Variants in PRCC observed in about 807,000 individuals in gnomAD.
PRCC encodes the protein proline-rich protein PRCC.
A neutral mutation model predicts 44.0 loss-of-function variants in PRCC; 10 were observed. That is an observed-to-expected ratio of 0.23 (90% confidence interval 0.14 to 0.39). The LOEUF is 0.39. Ranked by LOEUF, PRCC falls within the 10% of genes least tolerant of loss-of-function variation. PRCC has a pLI of 1.00. For synonymous variants in PRCC, 278 were observed against 259.5 expected, an observed-to-expected ratio of 1.07 and a Z score of -0.69; for missense variants, 573 against 624.7, an observed-to-expected ratio of 0.92 and a Z score of 0.88.
At chr1:156,783,963 G>C (rs189888511) in intron 2 of PRCC, among the ~76,000 whole-genome samples, 1 of 150,114 alleles carries the variant, frequency 6.7e-6, no homozygotes, top group African/African-American at 2.4e-5. Flanking sequence ...TTTTTTTTGG[G>C]GGGGACGGAG....
chr1:156,782,717 T>C (rs1410629807), intron 2 of PRCC, among the ~76,000 whole-genome samples: 2 of 152,182 alleles, frequency 1.3e-5, no homozygotes, highest in South Asian at 2.1e-4. Context: ...AGCACTTAAA[T>C]AGCACTTACT....
chr1:156,785,545 A>G (rs1288961858), intron 2 of PRCC, among the ~76,000 whole-genome samples: 2 of 151,818 alleles, frequency 1.3e-5, no homozygotes, highest in Non-Finnish European at 2.9e-5. Context: ...CTTAAGTCCT[A>G]AGGGAGCTGC....
Position 156,767,627 on chromosome 1 carries a change from G to A in PRCC, c.-145G>A. On this transcript the variant is annotated 5_prime_UTR_variant, in exon 1 of 7. Coordinates refer to ENST00000271526, the MANE Select transcript of PRCC (RefSeq NM_005973.5). ...AAATCAGCCGTAGCCATGAGTTTCT[G>A]CCGGGGCTAGCCCTAGAGTACGGAG... The A allele has an allele frequency of 1.3e-6, 1 of 769,778 alleles. No homozygotes were observed. Among genetic ancestry groups the A allele is most frequent in the East Asian group, 2.7e-5 (1 of 36,588 alleles). 47.7% of individuals were successfully genotyped at this position (769,778 alleles called of 1,614,324 possible).
At chr1:156,777,999 TAATTA>T (rs1385776007) in intron 1 of PRCC, among the ~76,000 whole-genome samples, 1 of 152,252 alleles carries the variant, frequency 6.6e-6, no homozygotes, top group Admixed American at 6.5e-5. Context: ...TACTGTAGAA[TAATTA>T]AATCAAACTA....
At position 156,787,015 on chromosome 1, in the gene PRCC, A is replaced by G. The variant is rs898237461; in HGVS notation, c.924A>G (p.Pro308=). 1 of 1,614,250 alleles carries G rather than the reference A, an allele frequency of 6.2e-7. No individual in the cohort carries two copies. Among genetic ancestry groups the G allele is most frequent in the Non-Finnish European group, 8.5e-7 (1 of 1,180,040 alleles). ...VPEELPPGTE[P]EPAFQDDAAN... ...AAGAGCTGCCTCCAGGCACGGAACC[A>G]GAGCCGGCTTTCCAGGACGATGCAG... Residue 308 remains proline (P), a synonymous_variant, in exon 3 of 7, where the codon CCA becomes CCG. Transcript: ENST00000271526.
In PRCC at chr1:156,795,424, G is replaced by T. The variant is rs138875366; in HGVS notation, c.1323+616G>T. 4.1e-3 allele frequency among the ~76,000 whole-genome samples: 614 copies of T among 150,590 alleles called. 2 individuals are homozygous for T. The highest frequency in any genetic ancestry group is 0.013 in the African/African-American group (551 of 41,052). On this transcript the variant is annotated intron_variant, in intron 5 of 6. Coordinates refer to ENST00000271526, the MANE Select transcript of PRCC (RefSeq NM_005973.5). ...CACCTCAGTTGCTGGGACTACAGGTGCATGCCACCATACCAATCTAATTTT... is the reference window on the plus strand; with the variant it reads ...CACCTCAGTTGCTGGGACTACAGGTTCATGCCACCATACCAATCTAATTTT...
chr1:156,774,166 T>A (rs1449827407), intron 1 of PRCC, among the ~76,000 whole-genome samples: 1 of 74,218 alleles, frequency 1.3e-5, no homozygotes, highest in African/African-American at 7.5e-5. Context: ...CCTTTTTTTT[T>A]TTTTTTTTTT....
At chr1:156,768,455 GCA>G (rs1651502374) in intron 1 of PRCC, among the ~76,000 whole-genome samples, 1 of 152,218 alleles carries the variant, frequency 6.6e-6, no homozygotes, top group Non-Finnish European at 1.5e-5. Flanking sequence ...GGGCTTGCCT[GCA>G]GAAGGCCACA....
At chr1:156,783,639 G>A (rs1273761152) in intron 2 of PRCC, among the ~76,000 whole-genome samples, 5 of 151,968 alleles carry the variant, frequency 3.3e-5, no homozygotes, top group South Asian at 2.1e-4. Flanking sequence ...CCAGCTACTC[G>A]GGAGGCTGAG....
intron 1 of PRCC, among the ~76,000 whole-genome samples, chr1:156,779,769 G>GA (rs960728696): frequency 6.6e-6 from 1 of 151,680 alleles, no homozygotes; most frequent in African/African-American, 2.4e-5. Flanking sequence ...ATTAGAGGTG[G>GA]GGGGGTCTCA....
intron 1 of PRCC, among the ~76,000 whole-genome samples, chr1:156,781,356 G>A (rs1652044602): frequency 2.6e-5 from 4 of 152,190 alleles, no homozygotes; most frequent in Admixed American, 2.6e-4. Context: ...GAGGATTTGA[G>A]TTCTCACAGA....
At chr1:156,792,755 G>A (rs1343976479) in intron 4 of PRCC, among the ~76,000 whole-genome samples, 5 of 152,074 alleles carry the variant, frequency 3.3e-5, no homozygotes, top group African/African-American at 9.7e-5. Context: ...GCATCTAGCC[G>A]GCCATATCTA....
In PRCC at chr1:156,773,565, C is replaced by T. The variant is rs528847366; in HGVS notation, c.468+5326C>T. On this transcript the variant is annotated intron_variant, in intron 1 of 6. Transcript: ENST00000271526. ...GGGACACTCTCAGCCCTGGATGCTC[C>T]GGTGTTTCTAGCATTGTCCTTCTTT... Among the ~76,000 whole-genome samples the T allele has an allele frequency of 2.0e-5, 3 of 152,234 alleles. No homozygotes were observed. The East Asian group carries it at 5.8e-4, about 29-fold the overall frequency.
At chr1:156,789,878 A>G (rs1253772776) in intron 3 of PRCC, among the ~76,000 whole-genome samples, 2 of 152,258 alleles carry the variant, frequency 1.3e-5, no homozygotes, top group African/African-American at 4.8e-5. Flanking sequence ...TGTTTGGAAG[A>G]GATATTTAGA....
chr1:156,782,916 T>G (rs545297777), intron 2 of PRCC, among the ~76,000 whole-genome samples: 1 of 152,150 alleles, frequency 6.6e-6, no homozygotes, highest in African/African-American at 2.4e-5. Flanking sequence ...ATATATATTT[T>G]TTTTTTGAGA....
chr1:156,787,450 G>GATAT (rs57206380), intron 3 of PRCC, among the ~76,000 whole-genome samples: 40 of 124,900 alleles, frequency 3.2e-4, no homozygotes, highest in African/African-American at 1.3e-3. Flanking sequence ...ATTTGTGATT[G>GATAT]ATATATATAT....
At chr1:156,781,017 T>C (rs11264549) in intron 1 of PRCC, among the ~76,000 whole-genome samples, 29,758 of 152,156 alleles carry the variant, frequency 0.2, 3,432 homozygotes, top group Non-Finnish European at 0.26. Context: ...TGTGAGCCAC[T>C]GCGCCCGGCC....
intron 1 of PRCC, among the ~76,000 whole-genome samples, chr1:156,776,411 A>G (rs1318801178): frequency 6.6e-6 from 1 of 152,178 alleles, no homozygotes; most frequent in African/African-American, 2.4e-5. Context: ...GATTGTGAGT[A>G]GCCATAGCAA....
intron 1 of PRCC, among the ~76,000 whole-genome samples, chr1:156,779,629 A>G (rs1571579687): frequency 6.6e-6 from 1 of 152,080 alleles, no homozygotes; most frequent in Non-Finnish European, 1.5e-5. Flanking sequence ...TTGGCCTCCC[A>G]AAGTGCTGGA....
Sources: gnomAD v4.1 joint callset for allele counts (sites outside exome capture counted in the v4.1 genomes callset) on GRCh38, gnomAD v4.1.1 for gene constraint, MANE v1.5 for transcripts, NCBI Gene and HGNC (gene_info 2026-07-23, HGNC 2026-07-21) for gene names.